Variants in ZSCAN25 observed in about 807,000 individuals in gnomAD.
The protein encoded by ZSCAN25 is zinc finger and SCAN domain containing 25.
ZSCAN25 carries 27 observed loss-of-function variants against 38.7 expected under a neutral mutation model. The observed-to-expected ratio is 0.70, with a 90% CI of 0.51 to 0.96. The LOEUF (loss-of-function observed/expected upper bound fraction) is 0.96, where lower values mean the gene tolerates loss of function less well. Among genes scored for constraint, ZSCAN25 ranks in the 40% least tolerant of loss-of-function variants. The probability of loss-of-function intolerance (pLI) is 0.00; values close to 1 mark genes in which losing one functional copy is unlikely to be tolerated. For missense variants in ZSCAN25, 637 were observed against 705.9 expected (o/e 0.90, Z 1.11); for synonymous variants, 273 against 277.7 (o/e 0.98, Z 0.17).
At chr7:99,648,897 G>A in the ZSCAN25 span, among the ~76,000 whole-genome samples, 1 of 152,210 alleles carries the variant, frequency 6.6e-6, no homozygotes, top group African/African-American at 2.4e-5. Context: ...GTGCAATGAT[G>A]GGAAATGTCT....
chr7:99,667,214 G>T, the ZSCAN25 span: 1 of 345,634 alleles, frequency 2.9e-6, no homozygotes, highest in Non-Finnish European at 4.9e-6. Context: ...GCTCAATGGA[G>T]ATCCTAGATG....
chr7:99,618,915 T>G (rs1186203416), intron 2 of ZSCAN25, 133 bp from the exon 3 acceptor site: 1 of 152,196 alleles, frequency 6.6e-6, no homozygotes, highest in Non-Finnish European at 1.5e-5. Context: ...GCCTCAGGGC[T>G]TTTGCCTGGA....
the ZSCAN25 span, among the ~76,000 whole-genome samples, chr7:99,702,770 C>G: frequency 6.6e-6 from 1 of 152,242 alleles, no homozygotes; most frequent in African/African-American, 2.4e-5. Context: ...ATTTTTTCCT[C>G]TATTTCTTTG....
chr7:99,655,038 C>T, the ZSCAN25 span, among the ~76,000 whole-genome samples: 2 of 152,174 alleles, frequency 1.3e-5, no homozygotes, highest in African/African-American at 4.8e-5. Flanking sequence ...TGCCTGTTCA[C>T]TCTGATGGTA....
intron 7 of ZSCAN25, among the ~76,000 whole-genome samples, chr7:99,626,573 A>C (rs893410098): frequency 6.6e-6 from 1 of 152,184 alleles, no homozygotes; most frequent in African/African-American, 2.4e-5. Context: ...AGAGGAGTCT[A>C]CGTCTTAGGA....
the ZSCAN25 span, among the ~76,000 whole-genome samples, chr7:99,668,686 G>T: frequency 1.3e-5 from 2 of 152,322 alleles, no homozygotes; most frequent in African/African-American, 4.8e-5. Context: ...GCGAGAGGAC[G>T]CTATTGCAGT....
the ZSCAN25 span, chr7:99,652,445 C>T: frequency 7.1e-5 from 52 of 728,886 alleles, no homozygotes; most frequent in Non-Finnish European, 8.7e-5. Context: ...AAAAGACTTA[C>T]AAGCAAATGA....
At chr7:99,724,624 C>A in the ZSCAN25 span, among the ~76,000 whole-genome samples, 1 of 152,086 alleles carries the variant, frequency 6.6e-6, no homozygotes, top group South Asian at 2.1e-4. Flanking sequence ...TCTGCTCCCC[C>A]ACCCTATAAT....
the ZSCAN25 span, chr7:99,666,865 C>T: frequency 6.3e-7 from 1 of 1,591,044 alleles, no homozygotes; most frequent in Non-Finnish European, 8.6e-7. Context: ...GTGGACTACC[C>T]CTTGGAAACG....
At chr7:99,713,968 C>G in the ZSCAN25 span, among the ~76,000 whole-genome samples, 4 of 152,150 alleles carry the variant, frequency 2.6e-5, no homozygotes, top group African/African-American at 9.7e-5. Flanking sequence ...TTCTTGCCCC[C>G]CTGACCTGCA....
the ZSCAN25 span, among the ~76,000 whole-genome samples, chr7:99,707,127 A>G: frequency 6.6e-6 from 1 of 152,222 alleles, no homozygotes; most frequent in Admixed American, 6.5e-5. Context: ...AGGAGAAGAA[A>G]GGAAAGAAGA....
At chr7:99,679,978 C>T in the ZSCAN25 span, 2 of 1,196,776 alleles carry the variant, frequency 1.7e-6, no homozygotes, top group East Asian at 4.7e-5. Context: ...TTGCCTGGAG[C>T]TTCCCTGCCC....
chr7:99,630,669 T>C lies in ZSCAN25; in HGVS notation c.*649T>C. 1 of 985,544 alleles carries C rather than the reference T, an allele frequency of 1.0e-6. No individual in the cohort carries two copies. Among genetic ancestry groups the C allele is most frequent in the African/African-American group, 1.7e-5 (1 of 57,360 alleles). The allele number at this position is 985,544 out of a possible 1,614,324, so 61.0% of individuals were successfully genotyped here. On this transcript the variant is annotated 3_prime_UTR_variant, in exon 8 of 8. Coordinates refer to ENST00000394152, the MANE Select transcript of ZSCAN25 (RefSeq NM_145115.3). ...TCTTCCCTCCCCAGCTGGGATCTGC[T>C]CCCAGGCAACTGTGTGAATTTTACA...
At chr7:99,693,741 C>T in the ZSCAN25 span, among the ~76,000 whole-genome samples, 1 of 152,242 alleles carries the variant, frequency 6.6e-6, no homozygotes, top group Non-Finnish European at 1.5e-5. Flanking sequence ...ATCTCCTGGT[C>T]TGCCTGTTGC....
At chr7:99,658,991 T>A in the ZSCAN25 span, 1 of 152,210 alleles carries the variant, frequency 6.6e-6, no homozygotes, top group Non-Finnish European at 1.5e-5. Flanking sequence ...GTCTAATCTT[T>A]TTTCAAGGTT....
chr7:99,630,402 T>G lies in ZSCAN25; in HGVS notation c.*382T>G. On this transcript the variant is annotated 3_prime_UTR_variant, in exon 8 of 8. Coordinates refer to ENST00000394152, the MANE Select transcript of ZSCAN25 (RefSeq NM_145115.3). ...GGGCTCTGTCTTGCCTGCAGGGTCA[T>G]AGCTCAGACTCTTCCCCCACCCCCT... 9.7e-7 allele frequency: 1 copy of G among 1,028,688 alleles called. No individual in the cohort carries two copies. Among genetic ancestry groups the G allele is most frequent in the African/African-American group, 1.7e-5 (1 of 58,750 alleles). The allele number at this position is 1,028,688 out of a possible 1,614,324, so 63.7% of individuals were successfully genotyped here.
chr7:99,699,661 C>T, the ZSCAN25 span, among the ~76,000 whole-genome samples: 1 of 152,132 alleles, frequency 6.6e-6, no homozygotes, highest in Non-Finnish European at 1.5e-5. Context: ...TCTGCCTTTG[C>T]TGGGTTTTCA....
Position 99,631,388 on chromosome 7 carries a change from G to A in ZSCAN25, c.*1368G>A. The A allele has an allele frequency of 1.0e-6, 1 of 985,362 alleles. No individual in the cohort carries two copies. 61.0% of individuals were successfully genotyped at this position (985,362 alleles called of 1,614,324 possible). ...TACATTTCTTTAAAAATGAGAAGATGCAATATTTGTAAACTGTTGAAGCTT... is the reference window on the plus strand; with the variant it reads ...TACATTTCTTTAAAAATGAGAAGATACAATATTTGTAAACTGTTGAAGCTT... On this transcript the variant is annotated 3_prime_UTR_variant, in exon 8 of 8. Coordinates refer to ENST00000394152, the MANE Select transcript of ZSCAN25 (RefSeq NM_145115.3).
At chr7:99,684,717 A>G in the ZSCAN25 span, among the ~76,000 whole-genome samples, 13 of 152,170 alleles carry the variant, frequency 8.5e-5, no homozygotes, top group African/African-American at 2.9e-4. Flanking sequence ...CTTAATATAA[A>G]CTTATTATAG....
Sources: gnomAD v4.1 joint callset for allele counts (sites outside exome capture counted in the v4.1 genomes callset) on GRCh38, gnomAD v4.1.1 for gene constraint, MANE v1.5 for transcripts, NCBI Gene and HGNC (gene_info 2026-07-23, HGNC 2026-07-21) for gene names.